Variants in CCDC73 observed in about 807,000 individuals in gnomAD.
CCDC73 encodes the protein coiled-coil domain-containing protein 73.
A neutral mutation model predicts 116.5 loss-of-function variants in CCDC73; 95 were observed. That is an observed-to-expected ratio of 0.82 (90% CI 0.69 to 0.97). The LOEUF is 0.97. CCDC73 is among the 50% of genes least tolerant of loss of function. CCDC73 has a pLI of 0.00. For synonymous variants in CCDC73, 398 were observed against 401.3 expected, an observed-to-expected ratio of 0.99 and a Z score of 0.10; for missense variants, 1,066 against 1,206.8, an observed-to-expected ratio of 0.88 and a Z score of 1.73.
intron 13 of CCDC73, among the ~76,000 whole-genome samples, chr11:32,637,829 A>G: frequency 6.6e-6 from 1 of 152,156 alleles, no homozygotes; most frequent in Non-Finnish European, 1.5e-5. Context: ...ATGCTAATAA[A>G]TCTTAAATCT....
intron 1 of CCDC73, among the ~76,000 whole-genome samples, chr11:32,764,557 A>T (rs1479054111): frequency 6.6e-6 from 1 of 152,228 alleles, no homozygotes; most frequent in Non-Finnish European, 1.5e-5. Context: ...ACAGACAAGG[A>T]AATGCTGAGA....
intron 6 of CCDC73, among the ~76,000 whole-genome samples, chr11:32,685,303 A>C (rs1229042352): frequency 6.6e-6 from 1 of 151,138 alleles, no homozygotes; most frequent in South Asian, 2.1e-4. Flanking sequence ...GCCCAGCTTA[A>C]ATTCTGGGCA....
intron 14 of CCDC73, among the ~76,000 whole-genome samples, chr11:32,634,582 C>T (rs1855661620): frequency 6.6e-6 from 1 of 152,052 alleles, no homozygotes; most frequent in Non-Finnish European, 1.5e-5. Flanking sequence ...GACTAGTCTC[C>T]ATTTAAGATG....
At chr11:32,668,112 G>C (rs751767370) in intron 9 of CCDC73, among the ~76,000 whole-genome samples, 1 of 152,138 alleles carries the variant, frequency 6.6e-6, no homozygotes, top group Non-Finnish European at 1.5e-5. Flanking sequence ...CATCTACCAC[G>C]TGCAAGGCAC....
At chr11:32,696,885 A>G (rs900710614) in intron 6 of CCDC73, among the ~76,000 whole-genome samples, 4 of 148,228 alleles carry the variant, frequency 2.7e-5, no homozygotes, top group African/African-American at 1.0e-4. Flanking sequence ...GAAACAGTGT[A>G]GTGGCCTGAT....
At chr11:32,684,996 ATAGTGG>A (rs1856182917) in intron 6 of CCDC73, among the ~76,000 whole-genome samples, 4 of 152,090 alleles carry the variant, frequency 2.6e-5, no homozygotes, top group Admixed American at 6.5e-5. Context: ...ATATATATAT[ATAGTGG>A]CTGACCAAGT....
chr11:32,637,653 C>T (rs1389297446), intron 13 of CCDC73, among the ~76,000 whole-genome samples: 2 of 151,674 alleles, frequency 1.3e-5, no homozygotes, highest in African/African-American at 2.4e-5. Flanking sequence ...CTCTCTTACA[C>T]ACACACACAC....
At chr11:32,720,210 G>T (rs1176450680) in intron 2 of CCDC73, among the ~76,000 whole-genome samples, 1 of 152,110 alleles carries the variant, frequency 6.6e-6, no homozygotes, top group Non-Finnish European at 1.5e-5. Flanking sequence ...TTTATTGCAG[G>T]TATGCAAAGC....
chr11:32,758,355 ATTGTTTACC>A, intron 2 of CCDC73: 1 of 506,604 alleles, frequency 2.0e-6, no homozygotes, highest in Non-Finnish European at 3.9e-6. Flanking sequence ...TGGTAATAGA[ATTGTTTACC>A]TTTATACCAA....
chr11:32,747,494 A>C (rs1228123246), intron 2 of CCDC73, among the ~76,000 whole-genome samples: 1 of 152,220 alleles, frequency 6.6e-6, no homozygotes, highest in Non-Finnish European at 1.5e-5. Context: ...AGTCTGGAGA[A>C]GCTATCTGCT....
At chr11:32,762,928 C>A (rs753046793) in intron 1 of CCDC73, among the ~76,000 whole-genome samples, 1 of 152,184 alleles carries the variant, frequency 6.6e-6, no homozygotes, top group Non-Finnish European at 1.5e-5. Flanking sequence ...AGGGTCCTAG[C>A]AAACGGCACA....
chr11:32,719,923 A>G (rs1161714297), intron 2 of CCDC73, among the ~76,000 whole-genome samples: 2 of 152,158 alleles, frequency 1.3e-5, no homozygotes, highest in Admixed American at 6.5e-5. Flanking sequence ...AAGCCTCCCA[A>G]AAAGAAATCT....
chr11:32,828,103 C>T, the CCDC73 span, among the ~76,000 whole-genome samples: 1 of 152,046 alleles, frequency 6.6e-6, no homozygotes, highest in Non-Finnish European at 1.5e-5. Context: ...TCAGTGAAAA[C>T]AAAATTTCTG....
chr11:32,635,830 C>A lies in CCDC73; in HGVS notation c.1051G>T (p.Ala351Ser). The part of the protein sequence containing the change: ...EKALGTWKRH[A>S]EELNGEINKI... ...TTAATTTCTCCATTAAGTTCTTCAG[C>A]CTATTATAAAAAAGGAACCAGAATA... is the stretch of plus-strand genomic sequence containing the variant. The change falls in exon 14 of 18, where the codon GCT becomes TCT. Residue 351 changes from alanine (A) to serine (S), a missense_variant and splice_region_variant. Transcript: ENST00000335185. The A allele has an allele frequency of 8.6e-7, 1 of 1,156,578 alleles. No individual in the cohort carries two copies. 71.6% of individuals were successfully genotyped at this position (1,156,578 alleles called of 1,614,324 possible).
At chr11:32,825,900 T>TC in the CCDC73 span, among the ~76,000 whole-genome samples, 1 of 152,172 alleles carries the variant, frequency 6.6e-6, no homozygotes, top group African/African-American at 2.4e-5. Context: ...ATGACACAAG[T>TC]CCCTGTCATA....
At chr11:32,829,534 T>C in the CCDC73 span, among the ~76,000 whole-genome samples, 7 of 152,244 alleles carry the variant, frequency 4.6e-5, no homozygotes, top group African/African-American at 1.7e-4. Flanking sequence ...GATGAATATC[T>C]TGTCCTCGTC....
chr11:32,629,770 C>CAAAAAAAA (rs33970031), intron 14 of CCDC73, among the ~76,000 whole-genome samples: 1 of 121,630 alleles, frequency 8.2e-6, no homozygotes. Context: ...CAATGCAAGC[C>CAAAAAAAA]AAAAAAAAAA....
intron 14 of CCDC73, among the ~76,000 whole-genome samples, chr11:32,630,323 GTTTGTTTTGT>G (rs574987818): frequency 6.6e-6 from 1 of 152,080 alleles, no homozygotes; most frequent in African/African-American, 2.4e-5. Context: ...TTTTTTGTTT[GTTTGTTTTGT>G]TTTGTTTTGT....
intron 1 of CCDC73, among the ~76,000 whole-genome samples, chr11:32,762,831 G>A (rs1326242606): frequency 6.6e-6 from 1 of 152,160 alleles, no homozygotes; most frequent in Non-Finnish European, 1.5e-5. Context: ...CAAGGGGTCA[G>A]GGAATTCCCT....
Sources: gnomAD v4.1 joint callset for allele counts (sites outside exome capture counted in the v4.1 genomes callset) on GRCh38, gnomAD v4.1.1 for gene constraint, MANE v1.5 for transcripts, NCBI Gene and HGNC (gene_info 2026-07-23, HGNC 2026-07-21) for gene names.